Variants in CHCHD6 observed in about 807,000 individuals in gnomAD.
The protein encoded by CHCHD6 is MICOS complex subunit MIC25.
In CHCHD6, 28 loss-of-function variants were observed where a neutral mutation model predicts 32.3. The ratio of observed to expected loss-of-function variants is 0.87; its 90% CI spans 0.64 to 1.19. CHCHD6 has a LOEUF of 1.19. Ranked by LOEUF, CHCHD6 falls within the 50% of genes most tolerant of loss-of-function variation. The pLI, the probability that CHCHD6 is intolerant of heterozygous loss-of-function variation, is 0.00. For missense variants in CHCHD6, 333 were observed against 307.0 expected, an observed-to-expected ratio of 1.08 and a Z score of -0.63; for synonymous variants, 122 against 117.5, an observed-to-expected ratio of 1.04 and a Z score of -0.25.
intron 4 of CHCHD6, among the ~76,000 whole-genome samples, chr3:126,808,834 T>C (rs1335720996): frequency 6.6e-6 from 1 of 152,198 alleles, no homozygotes; most frequent in East Asian, 1.9e-4. Context: ...AGAAGGACTT[T>C]CTGGTGAAGC....
In CHCHD6 at chr3:126,913,576, C is replaced by T. The variant is rs553853394; in HGVS notation, c.496-1104C>T. On this transcript the variant is annotated intron_variant, in intron 5 of 7. Coordinates refer to ENST00000290913, the MANE Select transcript of CHCHD6 (RefSeq NM_032343.3). ...ACCTTAAGCCAACTCCAGGTGACATCTGCTGTACCTTCCTCACCCGCACTG... is the reference window on the plus strand; with the variant it reads ...ACCTTAAGCCAACTCCAGGTGACATTTGCTGTACCTTCCTCACCCGCACTG... 2.0e-5 allele frequency among the ~76,000 whole-genome samples: 3 copies of T among 152,268 alleles called. No homozygotes were observed. In the East Asian group the frequency reaches 5.8e-4, roughly 29 times the overall value.
At chr3:126,707,676 G>A (rs1463478728) in intron 1 of CHCHD6, among the ~76,000 whole-genome samples, 1 of 152,176 alleles carries the variant, frequency 6.6e-6, no homozygotes, top group Non-Finnish European at 1.5e-5. Flanking sequence ...CATGTTCCCA[G>A]AGTCATTATC....
At chr3:126,764,033 C>A (rs531943827) in intron 4 of CHCHD6, among the ~76,000 whole-genome samples, 2 of 151,396 alleles carry the variant, frequency 1.3e-5, no homozygotes, top group South Asian at 4.2e-4. Flanking sequence ...AGCTCTGCTC[C>A]CCTATTTATG....
At chr3:126,861,560 C>T (rs1004674175) in intron 5 of CHCHD6, among the ~76,000 whole-genome samples, 1 of 151,600 alleles carries the variant, frequency 6.6e-6, no homozygotes. Context: ...ACCACCAGCA[C>T]CACCACCTCA....
chr3:126,841,739 T>G (rs1941091647), intron 4 of CHCHD6, among the ~76,000 whole-genome samples: 1 of 150,864 alleles, frequency 6.6e-6, no homozygotes, highest in Non-Finnish European at 1.5e-5. Flanking sequence ...ACCCCGTCTT[T>G]CCAAAAAAAA....
At chr3:126,841,903 G>T (rs1481872694) in intron 4 of CHCHD6, among the ~76,000 whole-genome samples, 1 of 152,088 alleles carries the variant, frequency 6.6e-6, no homozygotes, top group Admixed American at 6.5e-5. Context: ...GAAGGAGCAA[G>T]ACCTTGCCTC....
At position 126,767,618 on chromosome 3, in the gene CHCHD6, G is replaced by T. The variant is rs1937430708; in HGVS notation, c.411+34396G>T. 9.3e-6 allele frequency: 3 copies of T among 323,136 alleles called. No homozygotes were observed. The South Asian group carries it at 1.3e-4, about 14-fold the overall frequency. The allele number at this position is 323,136 out of a possible 1,614,324, so 20.0% of individuals were successfully genotyped here. On this transcript the variant is annotated intron_variant, in intron 4 of 7. Transcript: ENST00000290913. ...TATTTATTTTCAACATTTAGGTTCA[G>T]GGGTGCTTGTGAAGGTTTATTATAT...
chr3:126,912,430 C>T (rs2078104543), intron 5 of CHCHD6, among the ~76,000 whole-genome samples: 1 of 151,950 alleles, frequency 6.6e-6, no homozygotes, highest in South Asian at 2.1e-4. Context: ...CACTGGAGCC[C>T]CCTTGCTGGG....
chr3:126,914,550 A>G, intron 5 of CHCHD6, 130 bp from the exon 6 acceptor site: 1 of 676,948 alleles, frequency 1.5e-6, no homozygotes, highest in Non-Finnish European at 2.7e-6. Context: ...CAAGGTGTGG[A>G]TTAATTACCA....
intron 4 of CHCHD6, among the ~76,000 whole-genome samples, chr3:126,747,907 C>T (rs1180714965): frequency 6.6e-6 from 1 of 152,200 alleles, no homozygotes; most frequent in Non-Finnish European, 1.5e-5. Flanking sequence ...TTCGTGCTCT[C>T]TGACCTCCTG....
At position 126,951,834 on chromosome 3, in the gene CHCHD6, G is replaced by A. The variant is rs141355953; in HGVS notation, c.567-5582G>A. On this transcript the variant is annotated intron_variant, in intron 6 of 7. Coordinates refer to ENST00000290913, the MANE Select transcript of CHCHD6 (RefSeq NM_032343.3). ...TGTCAGGGTGCTTGAGATAGCCTGA[G>A]GTCCATGGGAGACCTAGCAGGCCGT... Among the ~76,000 whole-genome samples the A allele has an allele frequency of 2.1e-3, 317 of 152,330 alleles. 1 individual carries two copies. Among genetic ancestry groups the A allele is most frequent in the African/African-American group, 7.3e-3 (305 of 41,570 alleles).
intron 4 of CHCHD6, among the ~76,000 whole-genome samples, chr3:126,744,571 C>A (rs895413373): frequency 2.0e-5 from 3 of 152,200 alleles, no homozygotes; most frequent in African/African-American, 7.2e-5. Context: ...GTAATGGAAG[C>A]CCAGTTGGCA....
At chr3:126,791,205 C>T (rs1051696394) in intron 4 of CHCHD6, among the ~76,000 whole-genome samples, 2 of 152,336 alleles carry the variant, frequency 1.3e-5, no homozygotes, top group South Asian at 2.1e-4. Context: ...GAGGGGTACC[C>T]GGCCGTTTGA....
At chr3:126,704,592 A>G (rs1458963634) in intron 1 of CHCHD6, among the ~76,000 whole-genome samples, 193 bp downstream of exon 1, 1 of 152,160 alleles carries the variant, frequency 6.6e-6, no homozygotes, top group Non-Finnish European at 1.5e-5. Context: ...GCTTCGCGAC[A>G]TGGGCTTCAG....
intron 4 of CHCHD6, among the ~76,000 whole-genome samples, chr3:126,824,265 T>G (rs1940281770): frequency 6.6e-6 from 1 of 151,786 alleles, no homozygotes; most frequent in Non-Finnish European, 1.5e-5. Context: ...CTTAAATCTT[T>G]AAGAACCAAC....
chr3:126,910,295 A>C (rs2078070823), intron 5 of CHCHD6, among the ~76,000 whole-genome samples: 1 of 151,802 alleles, frequency 6.6e-6, no homozygotes, highest in African/African-American at 2.4e-5. Context: ...AACAAAAAAA[A>C]CAAATCTTCC....
intron 4 of CHCHD6, among the ~76,000 whole-genome samples, chr3:126,792,292 A>T (rs1938589246): frequency 6.7e-6 from 1 of 149,528 alleles, no homozygotes; most frequent in East Asian, 1.9e-4. Context: ...ATATTCTAGA[A>T]TATATACTTA....
chr3:126,764,198 TGC>T (rs1458007830), intron 4 of CHCHD6, among the ~76,000 whole-genome samples: 19 of 105,020 alleles, frequency 1.8e-4, no homozygotes, highest in African/African-American at 6.7e-4. Flanking sequence ...CATACATACA[TGC>T]ATATATATAT....
chr3:126,917,309 C>T (rs530401501), intron 6 of CHCHD6, among the ~76,000 whole-genome samples: 23 of 152,318 alleles, frequency 1.5e-4, no homozygotes, highest in African/African-American at 4.3e-4. Context: ...TCCTTTTGTC[C>T]GTGGTCACAG....
Sources: gnomAD v4.1 joint callset for allele counts (sites outside exome capture counted in the v4.1 genomes callset) on GRCh38, gnomAD v4.1.1 for gene constraint, MANE v1.5 for transcripts, NCBI Gene and HGNC (gene_info 2026-07-23, HGNC 2026-07-21) for gene names.